FRMD4B: variants seen among roughly 807,000 people sequenced by gnomAD.
FRMD4B encodes the protein FERM domain containing 4B.
Under a neutral mutation model 141.5 loss-of-function variants are expected in FRMD4B, and 74 were observed. That is an observed-to-expected ratio of 0.52 (90% confidence interval 0.43 to 0.63). The LOEUF is 0.63. Among genes scored for constraint, FRMD4B ranks in the 30% least tolerant of loss-of-function variants. The probability of loss-of-function intolerance (pLI) is 0.00; values close to 1 mark genes in which losing one functional copy is unlikely to be tolerated. For synonymous variants in FRMD4B, 506 were observed against 467.9 expected, an observed-to-expected ratio of 1.08 and a Z score of -1.05; for missense variants, 1,366 against 1,253.4, an observed-to-expected ratio of 1.09 and a Z score of -1.36.
At chr3:69,448,700 C>A (rs1245003261) in intron 1 of FRMD4B, among the ~76,000 whole-genome samples, 1 of 152,098 alleles carries the variant, frequency 6.6e-6, no homozygotes, top group African/African-American at 2.4e-5. Flanking sequence ...ACAAGAGATA[C>A]AAATAATTTT....
intron 1 of FRMD4B, among the ~76,000 whole-genome samples, chr3:69,453,363 C>G (rs1170076766): frequency 2.0e-5 from 3 of 152,180 alleles, no homozygotes; most frequent in Non-Finnish European, 4.4e-5. Context: ...TCTGATGGCA[C>G]CTTCAGACTC....
At chr3:69,276,271 T>G (rs1210293472) in intron 5 of FRMD4B, among the ~76,000 whole-genome samples, 1 of 152,188 alleles carries the variant, frequency 6.6e-6, no homozygotes, top group Non-Finnish European at 1.5e-5. Flanking sequence ...GATGACAAGA[T>G]GTACTCTCTT....
intron 7 of FRMD4B, among the ~76,000 whole-genome samples, chr3:69,238,775 A>T (rs2093362986): frequency 6.6e-6 from 1 of 152,130 alleles, no homozygotes; most frequent in Non-Finnish European, 1.5e-5. Flanking sequence ...ACAGAGAAAA[A>T]TCCTGCCTCA....
intron 1 of FRMD4B, among the ~76,000 whole-genome samples, chr3:69,352,341 T>C (rs774937834): frequency 1.1e-4 from 17 of 152,210 alleles, no homozygotes; most frequent in Admixed American, 3.3e-4. Context: ...ATAGGACCGA[T>C]TTAGAGACAA....
At chr3:69,510,811 G>C (rs1203802794) in intron 1 of FRMD4B, among the ~76,000 whole-genome samples, 1 of 152,178 alleles carries the variant, frequency 6.6e-6, no homozygotes, top group Non-Finnish European at 1.5e-5. Flanking sequence ...ATGCAGTTCT[G>C]TCATCATGCC....
intron 2 of FRMD4B, among the ~76,000 whole-genome samples, chr3:69,425,771 T>A (rs1367996289): frequency 6.6e-6 from 1 of 152,190 alleles, no homozygotes; most frequent in Admixed American, 6.5e-5. Context: ...TTTTATCTTT[T>A]TTTTCAGAAG....
intron 1 of FRMD4B, among the ~76,000 whole-genome samples, chr3:69,344,933 T>C (rs1702880698): frequency 1.3e-5 from 2 of 152,132 alleles, no homozygotes; most frequent in Non-Finnish European, 2.9e-5. Flanking sequence ...GGGTGATTTC[T>C]GCATTTCCAA....
rs1156235641 is a variant in FRMD4B, at chr3:69,265,268, AAATATATATATATATATATAT to A, written c.502-15190_502-15170del. ...AGACTCCATCTCAAAAAAAAAAAAA[AAATATATATATATATATATAT>A]ATATATATATATATATATATATATA... is the stretch of plus-strand genomic sequence containing the variant. On this transcript the variant is annotated intron_variant, in intron 5 of 22. Transcript: ENST00000398540. Among the ~76,000 whole-genome samples the A allele has an allele frequency of 7.6e-4, 22 of 28,870 alleles. 5 individuals are homozygous for A. The South Asian group carries it at 0.012, about 15-fold the overall frequency. 18.9% of individuals were successfully genotyped at this position (28,870 alleles called of 152,430 possible).
intron 1 of FRMD4B, among the ~76,000 whole-genome samples, chr3:69,511,688 T>A (rs1313111006): frequency 6.6e-6 from 1 of 152,170 alleles, no homozygotes; most frequent in Non-Finnish European, 1.5e-5. Flanking sequence ...ATCACTGAAG[T>A]GTTCTTAGAG....
At chr3:69,376,914 T>A (rs888112277) in intron 1 of FRMD4B, 1 of 151,938 alleles carries the variant, frequency 6.6e-6, no homozygotes, top group African/African-American at 2.4e-5. Flanking sequence ...AGGGGATGAA[T>A]GAGAAAGTTA....
Position 69,461,020 on chromosome 3 carries a change from A to T in FRMD4B, c.-128-28259T>A, listed in dbSNP as rs1159224. Among the ~76,000 whole-genome samples, 700 of 152,118 alleles carry T rather than the reference A, an allele frequency of 4.6e-3. 7 individuals are homozygous for T. Among genetic ancestry groups the T allele is most frequent in the African/African-American group, 0.016 (663 of 41,518 alleles). On this transcript the variant is annotated intron_variant, in intron 1 of 5. Transcript: ENST00000459638. ...AAATGCATCACATTTGGATATTAGCATTCTACATCTGAAGTTTTTGGTCTC... is the reference window on the plus strand; with the variant it reads ...AAATGCATCACATTTGGATATTAGCTTTCTACATCTGAAGTTTTTGGTCTC...
In FRMD4B at chr3:69,295,607, C is replaced by G. The variant is rs183209127; in HGVS notation, c.416+6736G>C. On this transcript the variant is annotated intron_variant, in intron 4 of 22. Transcript: ENST00000398540. ...GTGCTGGGATTACAGGTGTGAGCCA[C>G]GGTGGCTGGCCTGGGAGCATCATTG... Among the ~76,000 whole-genome samples the G allele has an allele frequency of 2.6e-5, 4 of 152,262 alleles. No homozygotes were observed. The East Asian group carries it at 7.7e-4, about 29-fold the overall frequency.
chr3:69,341,854 C>A (rs1177797666), intron 1 of FRMD4B, among the ~76,000 whole-genome samples: 1 of 152,192 alleles, frequency 6.6e-6, no homozygotes, highest in Admixed American at 6.5e-5. Context: ...GTGCCAGCCC[C>A]TTGATCTTAG....
chr3:69,497,460 G>C (rs546543939), intron 1 of FRMD4B, among the ~76,000 whole-genome samples: 1 of 152,210 alleles, frequency 6.6e-6, no homozygotes, highest in South Asian at 2.1e-4. Flanking sequence ...CATTGTTTTA[G>C]TATTCGTGGC....
chr3:69,531,615 C>T (rs763514409), intron 1 of FRMD4B, among the ~76,000 whole-genome samples: 6 of 152,222 alleles, frequency 3.9e-5, no homozygotes, highest in Non-Finnish European at 7.3e-5. Flanking sequence ...ACATTTCCCA[C>T]TCATCATTTA....
At chr3:69,181,753 A>G in intron 20 of FRMD4B, 43 bp from the exon 21 acceptor site, 2 of 1,204,776 alleles carry the variant, frequency 1.7e-6, no homozygotes, top group Non-Finnish European at 1.2e-6. Context: ...CAAGAAGAAA[A>G]GGAGGACCCA....
At chr3:69,278,325 G>T (rs978683328) in intron 5 of FRMD4B, among the ~76,000 whole-genome samples, 2 of 152,126 alleles carry the variant, frequency 1.3e-5, no homozygotes, top group African/African-American at 4.8e-5. Context: ...TTAGAGGCAG[G>T]TCTCGCTCTG....
chr3:69,286,673 G>A (rs185600068), intron 5 of FRMD4B, among the ~76,000 whole-genome samples: 1 of 152,358 alleles, frequency 6.6e-6, no homozygotes, highest in East Asian at 1.9e-4. Context: ...GCTCCACTGG[G>A]CATCTCTTGG....
chr3:69,365,505 G>GTTTTGTTTTGTTTTTT (rs770172318), intron 1 of FRMD4B, among the ~76,000 whole-genome samples: 1 of 137,864 alleles, frequency 7.3e-6, no homozygotes, highest in Non-Finnish European at 1.5e-5. Context: ...TACAACCTTT[G>GTTTTGTTTTGTTTTTT]TTTTTTTTCT....
Sources: gnomAD v4.1 joint callset for allele counts (sites outside exome capture counted in the v4.1 genomes callset) on GRCh38, gnomAD v4.1.1 for gene constraint, MANE v1.5 for transcripts, NCBI Gene and HGNC (gene_info 2026-07-23, HGNC 2026-07-21) for gene names.